Variants in LRP1B observed in about 807,000 individuals in gnomAD.
The protein encoded by LRP1B is LDL receptor related protein 1B.
A neutral mutation model predicts 556.6 loss-of-function variants in LRP1B; 217 were observed. The observed-to-expected ratio is 0.39, with a 90% confidence interval of 0.35 to 0.44. LRP1B has a LOEUF of 0.44. Among genes scored for constraint, LRP1B ranks in the 20% least tolerant of loss-of-function variants. LRP1B has a pLI of 1.00. For synonymous variants in LRP1B, 2,047 were observed against 1,865.8 expected, an observed-to-expected ratio of 1.10 and a Z score of -2.50; for missense variants, 5,053 against 5,620.8, an observed-to-expected ratio of 0.90 and a Z score of 3.23.
At chr2:141,744,219 GTTT>G (rs998463592) in intron 2 of LRP1B, among the ~76,000 whole-genome samples, 1 of 151,740 alleles carries the variant, frequency 6.6e-6, no homozygotes, top group African/African-American at 2.4e-5. Context: ...AAATTTTTCA[GTTT>G]TTTTCTTTTT....
At chr2:142,038,855 T>C (rs368595042) in intron 1 of LRP1B, among the ~76,000 whole-genome samples, 1 of 151,760 alleles carries the variant, frequency 6.6e-6, no homozygotes, top group Non-Finnish European at 1.5e-5. Flanking sequence ...TCATTTTATA[T>C]TGAATAGTAG....
chr2:141,906,928 A>C (rs191371885), intron 1 of LRP1B, among the ~76,000 whole-genome samples: 21 of 152,180 alleles, frequency 1.4e-4, no homozygotes, highest in Admixed American at 3.3e-4. Context: ...AAATCGTCCC[A>C]TGTTTCCCAT....
chr2:142,079,821 A>C (rs992799620), intron 1 of LRP1B, among the ~76,000 whole-genome samples: 1 of 152,012 alleles, frequency 6.6e-6, no homozygotes, highest in Non-Finnish European at 1.5e-5. Context: ...CTTTCTTAAA[A>C]TATATGTTAT....
intron 31 of LRP1B, among the ~76,000 whole-genome samples, chr2:140,817,629 A>G (rs983690565): frequency 2.6e-5 from 4 of 151,948 alleles, no homozygotes; most frequent in African/African-American, 9.7e-5. Flanking sequence ...TAATTTACCT[A>G]CATACAGTAT....
chr2:140,705,449 G>A (rs891471811), intron 37 of LRP1B, among the ~76,000 whole-genome samples: 11 of 141,850 alleles, frequency 7.8e-5, no homozygotes, highest in South Asian at 2.2e-4. Flanking sequence ...ACTGGAACCC[G>A]GGACACAGAG....
At chr2:140,598,964 A>G in intron 42 of LRP1B, 129 bp from the exon 43 acceptor site, 3 of 646,086 alleles carry the variant, frequency 4.6e-6, no homozygotes, top group Non-Finnish European at 8.0e-6. Context: ...TATCTTTAAC[A>G]AAGTCTAGGT....
chr2:140,960,874 T>A, intron 18 of LRP1B, among the ~76,000 whole-genome samples: 1 of 151,990 alleles, frequency 6.6e-6, no homozygotes, highest in East Asian at 1.9e-4. Flanking sequence ...CATTGTAAAT[T>A]ATTTAATGTG....
At chr2:140,874,092 G>C (rs1419062821) in intron 25 of LRP1B, among the ~76,000 whole-genome samples, 2 of 152,184 alleles carry the variant, frequency 1.3e-5, no homozygotes, top group Middle Eastern at 3.4e-3. Context: ...TGAATGATCT[G>C]TGTAAGTCAA....
chr2:140,552,059 C>A (rs1680565488), intron 43 of LRP1B, among the ~76,000 whole-genome samples: 1 of 151,968 alleles, frequency 6.6e-6, no homozygotes. Context: ...TCGAAGCATC[C>A]AAGATTTGAA....
intron 3 of LRP1B, among the ~76,000 whole-genome samples, chr2:141,256,334 C>T (rs538345792): frequency 6.6e-5 from 10 of 151,708 alleles, no homozygotes; most frequent in Admixed American, 2.6e-4. Context: ...GCAACAATAA[C>T]GAACGCTGCA....
At chr2:140,728,157 T>TA (rs33973198) in intron 35 of LRP1B, among the ~76,000 whole-genome samples, 3 of 151,838 alleles carry the variant, frequency 2.0e-5, no homozygotes, top group African/African-American at 7.3e-5. Context: ...TACTTGTTAT[T>TA]AAAAAAAAAA....
At chr2:140,343,115 C>T (rs1681479332) in intron 77 of LRP1B, among the ~76,000 whole-genome samples, 1 of 151,174 alleles carries the variant, frequency 6.6e-6, no homozygotes, top group Non-Finnish European at 1.5e-5. Flanking sequence ...AAAAAATAAG[C>T]ATAGATCAAA....
intron 87 of LRP1B, among the ~76,000 whole-genome samples, chr2:140,239,767 C>A (rs1680869168): frequency 6.6e-6 from 1 of 150,780 alleles, no homozygotes; most frequent in South Asian, 2.1e-4. Flanking sequence ...CATTTAAATA[C>A]CTTGAGATTA....
chr2:141,583,116 G>A (rs28709877), intron 2 of LRP1B, among the ~76,000 whole-genome samples: 47,375 of 151,698 alleles, frequency 0.31, 8,980 homozygotes, highest in Non-Finnish European at 0.44. Flanking sequence ...GATTACAGGC[G>A]TGAGCCACCA....
At chr2:142,005,121 T>C (rs1040271273) in intron 1 of LRP1B, among the ~76,000 whole-genome samples, 1 of 148,780 alleles carries the variant, frequency 6.7e-6, no homozygotes, top group Non-Finnish European at 1.5e-5. Context: ...TTACTATATA[T>C]AACTATATAG....
At chr2:140,357,912 T>C (rs1682307680) in intron 74 of LRP1B, 67 bp downstream of exon 74, 3 of 1,542,274 alleles carry the variant, frequency 1.9e-6, no homozygotes, top group South Asian at 2.4e-5. Flanking sequence ...CAGAACATTT[T>C]AGTCATGTAC....
chr2:140,848,047 T>A (rs2105112462), intron 29 of LRP1B, among the ~76,000 whole-genome samples: 1 of 152,294 alleles, frequency 6.6e-6, no homozygotes, highest in Non-Finnish European at 1.5e-5. Flanking sequence ...TTGCTCTTTA[T>A]AATTCACAGA....
At chr2:140,730,639 A>G (rs574004623) in intron 35 of LRP1B, among the ~76,000 whole-genome samples, 1 of 152,222 alleles carries the variant, frequency 6.6e-6, no homozygotes, top group South Asian at 2.1e-4. Flanking sequence ...GGCTCACTGC[A>G]ACCTCTGCCT....
At chr2:141,239,798 T>C (rs943511313) in intron 5 of LRP1B, among the ~76,000 whole-genome samples, 4 of 152,060 alleles carry the variant, frequency 2.6e-5, no homozygotes, top group African/African-American at 9.7e-5. Context: ...GAGGTAGATA[T>C]ATGAAACTCA....
Sources: allele counts gnomAD v4.1 joint callset (sites outside exome capture counted in the v4.1 genomes callset), GRCh38; gene constraint gnomAD v4.1.1; transcripts MANE v1.5; gene names NCBI Gene and HGNC (gene_info 2026-07-23, HGNC 2026-07-21).